Variants in GPALPP1 observed in about 807,000 individuals in gnomAD.
GPALPP1 encodes GPALPP motifs-containing protein 1.
Under a neutral mutation model 38.9 loss-of-function variants are expected in GPALPP1, and 30 were observed. The ratio of observed to expected loss-of-function variants is 0.77; its 90% CI spans 0.58 to 1.05. GPALPP1 has a LOEUF of 1.05. Ranked by LOEUF, GPALPP1 falls within the 50% of genes least tolerant of loss-of-function variation. The pLI, the probability that GPALPP1 is intolerant of heterozygous loss-of-function variation, is 0.00. For missense variants in GPALPP1, 384 were observed against 408.8 expected, an observed-to-expected ratio of 0.94 and a Z score of 0.52; for synonymous variants, 120 against 139.2, an observed-to-expected ratio of 0.86 and a Z score of 0.97.
intron 2 of GPALPP1, 80 bp downstream of exon 2, chr13:45,004,517 G>T: frequency 1.1e-6 from 1 of 879,268 alleles, no homozygotes. Flanking sequence ...GCTAGTAAGG[G>T]GATATCATAT....
At position 45,028,767 on chromosome 13, in the gene GPALPP1, A is replaced by T. The variant is rs1343351767; in HGVS notation, c.*764A>T. ...TGAGACCTCGTCTCTTTAGAAAAAA[A>T]AAAAGAGGCCAGTGGCTCACACCTG... On this transcript the variant is annotated 3_prime_UTR_variant, in exon 8 of 8. Transcript: ENST00000379151. 1 of 152,196 alleles carries T rather than the reference A, an allele frequency of 6.6e-6. No homozygotes were observed. The highest frequency in any genetic ancestry group is 1.5e-5 in the Non-Finnish European group (1 of 68,106). 9.4% of individuals were successfully genotyped at this position (152,196 alleles called of 1,614,324 possible). A position where few individuals can be genotyped will look rare whatever the true frequency, so the allele number is the denominator to read the frequency against.
chr13:45,036,027 A>C (rs1404657210), exon 8 of GPALPP1: 1 of 152,000 alleles, frequency 6.6e-6, no homozygotes, highest in Admixed American at 6.6e-5. Context: ...AATAATAACC[A>C]CCGCACTTAC....
At chr13:45,020,290 C>T (rs73181522) in intron 6 of GPALPP1, 40 bp from the exon 7 acceptor site, 31,611 of 773,258 alleles carry the variant, frequency 0.041, 1,062 homozygotes, top group East Asian at 0.13. Context: ...TTATCTTAAT[C>T]TTATGATTCA....
chr13:45,015,938 C>T (rs777224258), intron 6 of GPALPP1, among the ~76,000 whole-genome samples: 2 of 152,158 alleles, frequency 1.3e-5, no homozygotes, highest in Non-Finnish European at 1.5e-5. Flanking sequence ...TCATTTTAGA[C>T]CTTTCTAGCT....
intron 1 of GPALPP1, among the ~76,000 whole-genome samples, chr13:44,991,245 G>A (rs1403211751): frequency 6.6e-6 from 1 of 151,902 alleles, no homozygotes; most frequent in Non-Finnish European, 1.5e-5. Context: ...TCGAGAGATC[G>A]AGACCATTCT....
At chr13:45,015,133 A>T in intron 5 of GPALPP1, 50 bp downstream of exon 5, 1 of 1,183,570 alleles carries the variant, frequency 8.4e-7, no homozygotes, top group Non-Finnish European at 1.2e-6. Flanking sequence ...TTAAAAATCT[A>T]AATTTTAGAA....
At chr13:45,006,744 T>G (rs763974093) in intron 3 of GPALPP1, among the ~76,000 whole-genome samples, 4 of 152,172 alleles carry the variant, frequency 2.6e-5, no homozygotes, top group Admixed American at 2.0e-4. Context: ...AATCTTAAAT[T>G]TGTTATCTGT....
chr13:45,022,850 T>C (rs1315780262), intron 7 of GPALPP1, among the ~76,000 whole-genome samples: 1 of 152,084 alleles, frequency 6.6e-6, no homozygotes, highest in Non-Finnish European at 1.5e-5. Context: ...GCCTGGGTAG[T>C]ATAGCAAGAC....
intron 1 of GPALPP1, among the ~76,000 whole-genome samples, chr13:44,994,777 G>C (rs2137949152): frequency 6.6e-6 from 1 of 152,166 alleles, no homozygotes; most frequent in South Asian, 2.1e-4. Flanking sequence ...TGTTGTTGTT[G>C]ATTTAGGGTC....
At chr13:44,998,478 AC>A (rs1282956478) in intron 1 of GPALPP1, among the ~76,000 whole-genome samples, 5 of 151,796 alleles carry the variant, frequency 3.3e-5, no homozygotes, top group African/African-American at 1.2e-4. Context: ...GTCTTCCTTG[AC>A]CTCACAGCAA....
intron 2 of GPALPP1, 34 bp from the exon 3 acceptor site, chr13:45,006,168 A>G (rs778830525): frequency 2.4e-6 from 3 of 1,247,812 alleles, no homozygotes; most frequent in Non-Finnish European, 3.4e-6. Context: ...AAATTTTGAC[A>G]TATATGCATA....
At position 45,008,783 on chromosome 13, in the gene GPALPP1, T is replaced by C. The variant is rs1874274961; in HGVS notation, c.324-12T>C. 5 of 1,441,410 alleles carry C rather than the reference T, an allele frequency of 3.5e-6. No individual in the cohort carries two copies. The highest frequency in any genetic ancestry group is 4.9e-6 in the Non-Finnish European group (5 of 1,027,360). 89.3% of individuals were successfully genotyped at this position (1,441,410 alleles called of 1,614,324 possible). ...GTCAGGGAGAATGATAAAAGTACAT[T>C]TTATTTTTCAGGCCCATAATAGGTC... On this transcript the variant is annotated splice_polypyrimidine_tract_variant and intron_variant, in intron 3 of 7. Transcript: ENST00000379151.
chr13:45,004,539 C>A, intron 2 of GPALPP1, 102 bp downstream of exon 2: 1 of 714,294 alleles, frequency 1.4e-6, no homozygotes, highest in Non-Finnish European at 2.4e-6. Context: ...TCCATTTATA[C>A]AGCACAGGGA....
chr13:44,995,658 C>A (rs1376823501), intron 1 of GPALPP1, among the ~76,000 whole-genome samples: 1 of 152,206 alleles, frequency 6.6e-6, no homozygotes, highest in Non-Finnish European at 1.5e-5. Context: ...AGAAGCCCTT[C>A]AATCCCAAGC....
Position 45,024,709 on chromosome 13 carries a change from G to C in GPALPP1, c.805-3076G>C, listed in dbSNP as rs376599138. 2.9e-4 allele frequency among the ~76,000 whole-genome samples: 44 copies of C among 151,470 alleles called. No homozygotes were observed. The South Asian group carries it at 9.2e-3, about 32-fold the overall frequency. On this transcript the variant is annotated intron_variant, in intron 7 of 7. Transcript: ENST00000379151. ...TTTGGGAGGCCGAGGCAGGCAGATC[G>C]TGAGGTCAGGAGTTCAAGACCAGCC...
chr13:45,009,821 C>G (rs1043503069), intron 4 of GPALPP1, among the ~76,000 whole-genome samples: 5 of 152,194 alleles, frequency 3.3e-5, no homozygotes, highest in African/African-American at 9.7e-5. Context: ...AGAAATGAAT[C>G]TGTCAACAAA....
At chr13:44,990,762 T>A (rs1872738261) in intron 1 of GPALPP1, among the ~76,000 whole-genome samples, 1 of 152,158 alleles carries the variant, frequency 6.6e-6, no homozygotes, top group Non-Finnish European at 1.5e-5. Flanking sequence ...CAGGCCCCTT[T>A]CCAATATAAT....
At chr13:45,019,767 C>T (rs554272170) in intron 6 of GPALPP1, among the ~76,000 whole-genome samples, 1 of 151,178 alleles carries the variant, frequency 6.6e-6, no homozygotes, top group South Asian at 2.1e-4. Flanking sequence ...CAAACTCATC[C>T]TGAGTTCAAT....
chr13:44,996,784 CTTTTTT>C (rs770919969), intron 1 of GPALPP1, among the ~76,000 whole-genome samples: 4 of 80,400 alleles, frequency 5.0e-5, no homozygotes, highest in Non-Finnish European at 8.5e-5. Flanking sequence ...TGCCCAGCCT[CTTTTTT>C]TTTTTTTTTT....
Sources: allele counts gnomAD v4.1 joint callset (sites outside exome capture counted in the v4.1 genomes callset), GRCh38; gene constraint gnomAD v4.1.1; transcripts MANE v1.5; gene names NCBI Gene and HGNC (gene_info 2026-07-23, HGNC 2026-07-21).